AK5: variants seen among roughly 807,000 people sequenced by gnomAD.
AK5 encodes the protein adenylate kinase isoenzyme 5.
In AK5, 27 loss-of-function variants were observed where a neutral mutation model predicts 69.5. That is an observed-to-expected ratio of 0.39 (90% confidence interval 0.29 to 0.54). The LOEUF (loss-of-function observed/expected upper bound fraction) is 0.54. Among genes scored for constraint, AK5 ranks in the 20% least tolerant of loss-of-function variants. AK5 has a pLI of 0.71. For synonymous variants in AK5, 260 were observed against 244.4 expected (o/e 1.06, Z -0.60); for missense variants, 531 against 700.4 (o/e 0.76, Z 2.73).
chr1:77,351,115 C>T (rs530798847), intron 6 of AK5, among the ~76,000 whole-genome samples: 27 of 152,268 alleles, frequency 1.8e-4, no homozygotes, highest in Admixed American at 5.2e-4. Context: ...ATAACTGGGC[C>T]GGGCGCGGTG....
At chr1:77,385,799 T>A (rs1185551011) in intron 6 of AK5, among the ~76,000 whole-genome samples, 1 of 152,182 alleles carries the variant, frequency 6.6e-6, no homozygotes, top group South Asian at 2.1e-4. Flanking sequence ...GAATGAATCA[T>A]GTAGTAGAAA....
At chr1:77,485,017 GC>G (rs1655497966) in intron 9 of AK5, among the ~76,000 whole-genome samples, 1 of 152,140 alleles carries the variant, frequency 6.6e-6, no homozygotes, top group African/African-American at 2.4e-5. Context: ...TTCCTAGATT[GC>G]AAATAGGCTC....
At chr1:77,396,173 A>C (rs1644171895) in intron 6 of AK5, among the ~76,000 whole-genome samples, 2 of 152,224 alleles carry the variant, frequency 1.3e-5, no homozygotes, top group African/African-American at 4.8e-5. Flanking sequence ...CTACCCATAG[A>C]GTTGAGTCAG....
chr1:77,324,602 C>A (rs1349690336), intron 5 of AK5, among the ~76,000 whole-genome samples: 1 of 152,040 alleles, frequency 6.6e-6, no homozygotes, highest in East Asian at 1.9e-4. Flanking sequence ...GGCCACACCC[C>A]CCAGGATGTA....
intron 5 of AK5, chr1:77,314,411 T>A (rs141704468): frequency 6.7e-5 from 10 of 148,680 alleles, no homozygotes; most frequent in Non-Finnish European, 7.4e-5. Flanking sequence ...ACCAAAAAAA[T>A]AAAAAAAAAA....
intron 13 of AK5, among the ~76,000 whole-genome samples, chr1:77,555,295 C>T (rs952456795): frequency 6.6e-6 from 1 of 152,050 alleles, no homozygotes; most frequent in East Asian, 1.9e-4. Flanking sequence ...AAAAAACAAA[C>T]AAAAAAACAA....
In AK5 at chr1:77,367,555, TTTTATA is replaced by T. The variant is rs1221201906; in HGVS notation, c.891+26989_891+26994del. 1.7e-4 allele frequency among the ~76,000 whole-genome samples: 10 copies of T among 59,326 alleles called. 1 individual carries two copies. Among genetic ancestry groups the T allele is most frequent in the African/African-American group, 9.2e-4 (10 of 10,854 alleles). The allele number at this position is 59,326 out of a possible 152,430, so 38.9% of individuals were successfully genotyped here. ...TGTTGCCCAGACTCATTTATGTTAT[TTTTATA>T]TATATATATATATATATAATATATA... On this transcript the variant is annotated intron_variant, in intron 6 of 13. Transcript: ENST00000354567.
chr1:77,315,056 C>T (rs1357047361), intron 5 of AK5: 12 of 152,002 alleles, frequency 7.9e-5, no homozygotes, highest in Non-Finnish European at 1.8e-4. Flanking sequence ...TAAATACATA[C>T]AATGATTAGC....
rs71075732 is a variant in AK5, at chr1:77,367,579, A to ATATATGTATAT, written c.891+27011_891+27012insTATATGTATAT. On this transcript the variant is annotated intron_variant, in intron 6 of 13. Transcript: ENST00000354567. ...TTTTTATATATATATATATATATAT[A>ATATATGTATAT]ATATATATGTTATATATGTAATATA... Among the ~76,000 whole-genome samples the ATATATGTATAT allele has an allele frequency of 2.8e-3, 152 of 53,398 alleles. 15 individuals are homozygous for ATATATGTATAT. Among genetic ancestry groups the ATATATGTATAT allele is most frequent in the African/African-American group, 0.015 (142 of 9,438 alleles). 35.0% of individuals were successfully genotyped at this position (53,398 alleles called of 152,430 possible). A position where few individuals can be genotyped will look rare whatever the true frequency, so the allele number is the denominator to read the frequency against.
chr1:77,430,143 C>CA, intron 8 of AK5, among the ~76,000 whole-genome samples: 1 of 144,322 alleles, frequency 6.9e-6, no homozygotes, highest in South Asian at 2.2e-4. Flanking sequence ...AAAAAAAAAA[C>CA]AAAAAAACAA....
At chr1:77,521,294 C>T (rs1045593842) in intron 11 of AK5, among the ~76,000 whole-genome samples, 1 of 151,990 alleles carries the variant, frequency 6.6e-6, no homozygotes, top group African/African-American at 2.4e-5. Context: ...CGGCAATGCC[C>T]GGCCAATTTT....
intron 5 of AK5, among the ~76,000 whole-genome samples, chr1:77,308,459 T>C (rs2815318): frequency 4.3e-4 from 6 of 13,858 alleles, no homozygotes; most frequent in Non-Finnish European, 1.6e-4. Context: ...AAAAAAAAAA[T>C]CTTTTTCTCA....
chr1:77,361,953 C>A (rs1401876381), intron 6 of AK5, among the ~76,000 whole-genome samples: 1 of 152,154 alleles, frequency 6.6e-6, no homozygotes, highest in African/African-American at 2.4e-5. Context: ...TCACCCTACT[C>A]TGCTGTGGCA....
intron 6 of AK5, among the ~76,000 whole-genome samples, chr1:77,379,452 C>G (rs928603583): frequency 6.6e-6 from 1 of 152,146 alleles, no homozygotes; most frequent in Non-Finnish European, 1.5e-5. Context: ...AGAGATTTGG[C>G]CTAGGACTCT....
At chr1:77,425,276 C>A (rs1651122660) in intron 8 of AK5, among the ~76,000 whole-genome samples, 1 of 152,120 alleles carries the variant, frequency 6.6e-6, no homozygotes, top group African/African-American at 2.4e-5. Context: ...GTTAAAAGAA[C>A]TTCTTTAAAG....
At chr1:77,385,554 A>G (rs1647964740) in intron 6 of AK5, among the ~76,000 whole-genome samples, 1 of 152,148 alleles carries the variant, frequency 6.6e-6, no homozygotes. Flanking sequence ...GCTACATTTT[A>G]CTATTAGGCA....
chr1:77,370,162 G>T (rs1470234612), intron 6 of AK5, among the ~76,000 whole-genome samples: 1 of 152,116 alleles, frequency 6.6e-6, no homozygotes, highest in Non-Finnish European at 1.5e-5. Flanking sequence ...CTTCTAGAGG[G>T]TTCTGATCCC....
At chr1:77,504,516 C>T (rs1238342779) in intron 10 of AK5, among the ~76,000 whole-genome samples, 3 of 151,884 alleles carry the variant, frequency 2.0e-5, no homozygotes. Flanking sequence ...TTAACAAAAC[C>T]TCATGGGCAT....
chr1:77,336,010 T>C (rs1416189161), intron 5 of AK5, among the ~76,000 whole-genome samples: 1 of 152,082 alleles, frequency 6.6e-6, no homozygotes, highest in Non-Finnish European at 1.5e-5. Context: ...TTCATGCTTT[T>C]TATTTATTTG....
Sources: gnomAD v4.1 joint callset for allele counts (sites outside exome capture counted in the v4.1 genomes callset) on GRCh38, gnomAD v4.1.1 for gene constraint, MANE v1.5 for transcripts, NCBI Gene and HGNC (gene_info 2026-07-23, HGNC 2026-07-21) for gene names.